ATP11A: variants seen among roughly 807,000 people sequenced by gnomAD.
ATP11A encodes phospholipid-transporting ATPase IH.
In ATP11A, 81 loss-of-function variants were observed where a neutral mutation model predicts 154.4. The observed-to-expected ratio is 0.52, with a 90% CI of 0.44 to 0.63. ATP11A has a LOEUF of 0.63. ATP11A is among the 30% of genes least tolerant of loss of function. The pLI, the probability that ATP11A is intolerant of heterozygous loss-of-function variation, is 0.00. For missense variants in ATP11A, 1,316 were observed against 1,474.3 expected (o/e 0.89, Z 1.76); for synonymous variants, 623 against 585.9 (o/e 1.06, Z -0.91).
intron 29 of ATP11A, chr13:112,880,596 G>A: frequency 1.5e-6 from 2 of 1,299,768 alleles, no homozygotes; most frequent in South Asian, 2.5e-5. Flanking sequence ...GCAGCGATGG[G>A]CCCCTCCTGA....
chr13:112,704,901 A>G (rs1212959660), intron 1 of ATP11A, among the ~76,000 whole-genome samples: 2 of 152,260 alleles, frequency 1.3e-5, no homozygotes, highest in Non-Finnish European at 2.9e-5. Flanking sequence ...CCACGAAGAC[A>G]TGGAAATGGC....
At chr13:112,699,824 T>A (rs1221892636) in intron 1 of ATP11A, among the ~76,000 whole-genome samples, 2 of 152,200 alleles carry the variant, frequency 1.3e-5, no homozygotes, top group African/African-American at 4.8e-5. Context: ...TCGCCTCCAG[T>A]GGCAGCTGTA....
chr13:112,713,956 C>T (rs1021946108), intron 1 of ATP11A, among the ~76,000 whole-genome samples: 166 of 82,854 alleles, frequency 2.0e-3, no homozygotes, highest in East Asian at 3.6e-3. Context: ...CCAGATCCCA[C>T]GCCTCCCTTC....
chr13:112,764,232 G>A (rs924687254), intron 1 of ATP11A, among the ~76,000 whole-genome samples: 7 of 152,168 alleles, frequency 4.6e-5, no homozygotes, highest in Admixed American at 1.3e-4. Context: ...CGGTGACATC[G>A]CTCCTGGACA....
chr13:112,844,232 C>T (rs575208317), intron 17 of ATP11A, among the ~76,000 whole-genome samples: 1 of 152,332 alleles, frequency 6.6e-6, no homozygotes, highest in Admixed American at 6.5e-5. Context: ...CAAATATCTT[C>T]CACCTGCTGG....
At chr13:112,761,696 T>TGTCTCGG (rs2076967949) in intron 1 of ATP11A, among the ~76,000 whole-genome samples, 2 of 150,984 alleles carry the variant, frequency 1.3e-5, no homozygotes, top group African/African-American at 4.9e-5. Context: ...GTTTGGGTAC[T>TGTCTCGG]ATCTCGGATT....
intron 1 of ATP11A, among the ~76,000 whole-genome samples, chr13:112,750,714 G>A (rs2076671201): frequency 6.6e-6 from 1 of 152,262 alleles, no homozygotes; most frequent in African/African-American, 2.4e-5. Flanking sequence ...TACTGCACTA[G>A]GTTTTCGTTT....
At chr13:112,770,663 T>A (rs1239274843) in intron 1 of ATP11A, among the ~76,000 whole-genome samples, 1 of 152,152 alleles carries the variant, frequency 6.6e-6, no homozygotes, top group Non-Finnish European at 1.5e-5. Context: ...CCTGTTTGCG[T>A]TTATTACACC....
chr13:112,804,842 T>A (rs2140137542), intron 2 of ATP11A, 115 bp from the exon 3 acceptor site: 1 of 577,850 alleles, frequency 1.7e-6, no homozygotes, highest in Admixed American at 3.7e-5. Flanking sequence ...GAGTTTTATA[T>A]CTAAAGCTAA....
At position 112,807,371 on chromosome 13, in the gene ATP11A, G is replaced by A. The variant is rs1176224701; in HGVS notation, c.333+1078G>A. Among the ~76,000 whole-genome samples, 1 of 152,248 alleles carries A rather than the reference G, an allele frequency of 6.6e-6. No homozygotes were observed. The highest frequency in any genetic ancestry group is 1.5e-5 in the Non-Finnish European group (1 of 68,048). ...GTGAACTAGGATATTCATGGTGGCT[G>A]TCATTGATTAGCAAAGGACTCGGGC... is the stretch of plus-strand genomic sequence containing the variant. On this transcript the variant is annotated intron_variant, in intron 4 of 29. Transcript: ENST00000375645. The surrounding 1 kb of genome is among the most constrained non-coding windows in gnomAD (Gnocchi z 4.5).
At chr13:112,863,054 C>G (rs2080170155) in intron 25 of ATP11A, among the ~76,000 whole-genome samples, 1 of 148,710 alleles carries the variant, frequency 6.7e-6, no homozygotes, top group African/African-American at 2.5e-5. Flanking sequence ...GCGGCCCATG[C>G]AGCTTCCCAG....
At position 112,885,690 on chromosome 13, in the gene ATP11A, T is replaced by G. The variant is rs1046790; in HGVS notation, c.*3824T>G. The stretch of plus-strand genomic sequence containing the variant: ...ACACATGCACACACATATACACACA[T>G]GTGCCACAAACAAGTGCACACTGTC... On this transcript the variant is annotated 3_prime_UTR_variant, in exon 30 of 30. Coordinates refer to ENST00000375645, the MANE Select transcript of ATP11A (RefSeq NM_015205.3). The G allele has an allele frequency of 1.3e-5, 2 of 152,204 alleles. No individual in the cohort carries two copies. The highest frequency in any genetic ancestry group is 2.9e-5 in the Non-Finnish European group (2 of 68,056). 9.4% of individuals were successfully genotyped at this position (152,204 alleles called of 1,614,324 possible).
intron 12 of ATP11A, among the ~76,000 whole-genome samples, chr13:112,829,812 T>C (rs1001378660): frequency 2.6e-5 from 4 of 152,204 alleles, no homozygotes; most frequent in African/African-American, 9.6e-5. Context: ...ACCAAAAAGC[T>C]TTTAGAACTA....
chr13:112,880,674 G>A (rs543467323), intron 29 of ATP11A: 44 of 1,276,088 alleles, frequency 3.4e-5, no homozygotes, highest in South Asian at 2.7e-4. Flanking sequence ...GCTGGACGCC[G>A]CCCGTGTGCT....
At chr13:112,715,524 CCCTT>C (rs1888351251) in intron 1 of ATP11A, among the ~76,000 whole-genome samples, 2 of 14,270 alleles carry the variant, frequency 1.4e-4, no homozygotes, top group Middle Eastern at 0.042. Context: ...CCGATCCCCA[CCCTT>C]CACTTGGCTG....
chr13:112,784,775 G>A (rs1373862550), intron 1 of ATP11A, among the ~76,000 whole-genome samples: 3 of 152,106 alleles, frequency 2.0e-5, no homozygotes, highest in East Asian at 1.9e-4. Context: ...CGCCCATCTC[G>A]GCCTCCCAAA....
At chr13:112,808,104 G>T (rs1182847938) in intron 4 of ATP11A, among the ~76,000 whole-genome samples, 1 of 151,996 alleles carries the variant, frequency 6.6e-6, no homozygotes, top group Non-Finnish European at 1.5e-5. Flanking sequence ...CGGGGAGCCC[G>T]AGCCCCCATG....
At chr13:112,821,603 G>T (rs967492419) in intron 8 of ATP11A, among the ~76,000 whole-genome samples, 2 of 152,130 alleles carry the variant, frequency 1.3e-5, no homozygotes, top group East Asian at 1.9e-4. Context: ...GAGCCACCGC[G>T]CCTGGCCTAG....
intron 1 of ATP11A, among the ~76,000 whole-genome samples, chr13:112,708,044 G>A (rs1281116317): frequency 1.3e-5 from 2 of 152,158 alleles, no homozygotes; most frequent in African/African-American, 4.8e-5. Flanking sequence ...CCAACCGCAC[G>A]TCACGCAACC....
Sources: gnomAD v4.1 joint callset for allele counts (sites outside exome capture counted in the v4.1 genomes callset) on GRCh38, gnomAD v4.1.1 for gene constraint, Gnocchi (gnomAD v3.1) non-coding constraint, MANE v1.5 for transcripts, NCBI Gene and HGNC (gene_info 2026-07-23, HGNC 2026-07-21) for gene names.